Variants in PLCL1 observed in about 807,000 individuals in gnomAD.
PLCL1 encodes the protein phospholipase C like 1 (inactive), also known as inactive phospholipase C-like protein 1.
A neutral mutation model predicts 84.4 loss-of-function variants in PLCL1; 41 were observed. That is an observed-to-expected ratio of 0.49 (90% CI 0.38 to 0.63). The LOEUF (loss-of-function observed/expected upper bound fraction) is 0.63. Among genes scored for constraint, PLCL1 ranks in the 30% least tolerant of loss-of-function variants. PLCL1 has a pLI of 0.00. For missense variants in PLCL1, 1,206 were observed against 1,367.8 expected, an observed-to-expected ratio of 0.88 and a Z score of 1.87; for synonymous variants, 490 against 488.3, an observed-to-expected ratio of 1.00 and a Z score of -0.05.
intron 5 of PLCL1, among the ~76,000 whole-genome samples, chr2:198,122,943 G>C (rs1250240887): frequency 6.6e-6 from 1 of 152,078 alleles, no homozygotes; most frequent in Non-Finnish European, 1.5e-5. Context: ...CCAAGGGACA[G>C]AAAGGTTAGC....
chr2:198,114,280 C>A (rs2105922277), intron 5 of PLCL1, among the ~76,000 whole-genome samples: 1 of 151,868 alleles, frequency 6.6e-6, no homozygotes, highest in African/African-American at 2.4e-5. Context: ...AAAAGCCGGG[C>A]TGTTGACATG....
At chr2:198,013,894 C>G (rs1690928576) in intron 1 of PLCL1, among the ~76,000 whole-genome samples, 1 of 152,094 alleles carries the variant, frequency 6.6e-6, no homozygotes, top group Non-Finnish European at 1.5e-5. Context: ...ATTCACACCT[C>G]TTTTAAAATC....
intron 1 of PLCL1, among the ~76,000 whole-genome samples, chr2:198,009,419 C>T (rs1690812702): frequency 6.6e-6 from 1 of 151,868 alleles, no homozygotes; most frequent in Non-Finnish European, 1.5e-5. Flanking sequence ...CCTATTTTTC[C>T]AACACTACTT....
At chr2:198,056,974 T>C (rs1692085819) in intron 1 of PLCL1, among the ~76,000 whole-genome samples, 1 of 152,164 alleles carries the variant, frequency 6.6e-6, no homozygotes, top group African/African-American at 2.4e-5. Flanking sequence ...TGCTTGAGGA[T>C]ATAGCACATT....
At chr2:198,049,068 T>G (rs2105866634) in intron 1 of PLCL1, among the ~76,000 whole-genome samples, 1 of 152,344 alleles carries the variant, frequency 6.6e-6, no homozygotes, top group South Asian at 2.1e-4. Flanking sequence ...GTCAGCCTAG[T>G]TTCTGTGATT....
At chr2:197,823,663 T>C (rs1240606403) in intron 1 of PLCL1, among the ~76,000 whole-genome samples, 1 of 152,142 alleles carries the variant, frequency 6.6e-6, no homozygotes, top group East Asian at 1.9e-4. Context: ...GTTGGAGTTG[T>C]GATGGTCATC....
chr2:198,017,281 T>G (rs932590429), intron 1 of PLCL1, among the ~76,000 whole-genome samples: 3 of 152,240 alleles, frequency 2.0e-5, no homozygotes, highest in African/African-American at 7.2e-5. Context: ...TGCTTCCTCC[T>G]ACACAGTCGA....
intron 1 of PLCL1, among the ~76,000 whole-genome samples, chr2:197,999,637 G>A (rs965155335): frequency 6.6e-6 from 1 of 152,142 alleles, no homozygotes; most frequent in South Asian, 2.1e-4. Flanking sequence ...TAGATGTATA[G>A]GGCGTTGCTG....
chr2:197,980,854 C>T (rs778336929), intron 1 of PLCL1, among the ~76,000 whole-genome samples: 2 of 151,988 alleles, frequency 1.3e-5, no homozygotes, highest in Non-Finnish European at 2.9e-5. Flanking sequence ...GGAAATTAAT[C>T]GAGTAATATG....
intron 1 of PLCL1, among the ~76,000 whole-genome samples, chr2:198,066,101 C>G (rs1282592661): frequency 6.6e-6 from 1 of 152,112 alleles, no homozygotes; most frequent in Admixed American, 6.5e-5. Context: ...CCTTTGTTAG[C>G]TTTTCTCCTA....
intron 1 of PLCL1, among the ~76,000 whole-genome samples, chr2:197,941,365 C>T (rs541556535): frequency 6.6e-6 from 1 of 151,828 alleles, no homozygotes; most frequent in Non-Finnish European, 1.5e-5. Context: ...AATCACAGCT[C>T]TCTGCAGCTT....
At chr2:198,112,760 G>C (rs963100620) in intron 5 of PLCL1, among the ~76,000 whole-genome samples, 1 of 151,796 alleles carries the variant, frequency 6.6e-6, no homozygotes, top group Non-Finnish European at 1.5e-5. Flanking sequence ...TTTGGTGAAC[G>C]CAACTGGGAG....
intron 1 of PLCL1, among the ~76,000 whole-genome samples, chr2:198,054,030 T>C (rs1341547735): frequency 1.3e-5 from 2 of 152,196 alleles, no homozygotes; most frequent in African/African-American, 2.4e-5. Flanking sequence ...GCTACACTTA[T>C]GTCAGATAAA....
At chr2:197,918,785 G>A (rs762649327) in intron 1 of PLCL1, among the ~76,000 whole-genome samples, 2 of 151,946 alleles carry the variant, frequency 1.3e-5, no homozygotes, top group Admixed American at 6.6e-5. Context: ...AACAAAAAAC[G>A]AAAAATTAAC....
chr2:197,998,620 T>C (rs1338942991), intron 1 of PLCL1, among the ~76,000 whole-genome samples: 3 of 152,152 alleles, frequency 2.0e-5, no homozygotes, highest in Non-Finnish European at 4.4e-5. Flanking sequence ...TCAGAAAAGC[T>C]TTTGTTTTCA....
intron 1 of PLCL1, among the ~76,000 whole-genome samples, chr2:197,841,096 T>C (rs700678): frequency 0.73 from 110,495 of 152,078 alleles, 41,188 homozygotes; most frequent in African/African-American, 0.9. Context: ...ATACTCCTCA[T>C]ATCCAACCCA....
chr2:197,809,809 A>AGT (rs3056067), intron 1 of PLCL1, among the ~76,000 whole-genome samples: 4,476 of 146,610 alleles, frequency 0.031, 113 homozygotes, highest in African/African-American at 0.068. Context: ...GAGCTCTGAA[A>AGT]GTGTGTGTGT....
chr2:197,908,367 A>G (rs1688423419), intron 1 of PLCL1, among the ~76,000 whole-genome samples: 1 of 152,230 alleles, frequency 6.6e-6, no homozygotes, highest in Admixed American at 6.5e-5. Context: ...AGAATGAATT[A>G]CTCATTCTAT....
chr2:198,103,842 A>G lies in PLCL1; in HGVS notation c.3011A>G (p.Glu1004Gly), dbSNP rs755581065. The G allele has an allele frequency of 1.3e-6, 2 of 1,596,782 alleles. No individual in the cohort carries two copies. Among genetic ancestry groups the G allele is most frequent in the East Asian group, 2.3e-5 (1 of 44,330 alleles). ...TTCTTCAAAGGGATGGAGTTCCATG[A>G]AGAACTTCATAATTTGGGGGCAAAA... ...QCQKAGMEFHEELHNLGAKEG... is the reference protein window; with the variant it reads ...QCQKAGMEFHGELHNLGAKEG... The change falls in exon 5 of 6, where the codon GAA becomes GGA. Residue 1004 changes from glutamate to glycine, a missense_variant. Glu to Gly is a moderately conservative substitution (Grantham distance 98, BLOSUM62 -2). Coordinates refer to ENST00000428675, the MANE Select transcript of PLCL1 (RefSeq NM_006226.4).
Sources: gnomAD v4.1 joint callset for allele counts (sites outside exome capture counted in the v4.1 genomes callset) on GRCh38, gnomAD v4.1.1 for gene constraint, MANE v1.5 for transcripts, NCBI Gene and HGNC (gene_info 2026-07-23, HGNC 2026-07-21) for gene names.